Variants in SCAND3 observed in about 807,000 individuals in gnomAD.
The protein encoded by SCAND3 is SCAN domain-containing protein 3.
chr6:28,589,362 A>G, the SCAND3 span: 3 of 152,116 alleles, frequency 2.0e-5, no homozygotes, highest in South Asian at 2.1e-4. Flanking sequence ...ATACTTACCT[A>G]CTGTACCCTT....
chr6:28,589,890 C>T, the SCAND3 span: 1 of 147,658 alleles, frequency 6.8e-6, no homozygotes, highest in Non-Finnish European at 1.5e-5. Flanking sequence ...GGACCTTGCG[C>T]CCCGGGTTAC....
the SCAND3 span, among the ~76,000 whole-genome samples, chr6:28,607,120 A>G: frequency 2.0e-5 from 3 of 152,190 alleles, no homozygotes; most frequent in Non-Finnish European, 4.4e-5. Flanking sequence ...CTGATTATAA[A>G]TCATGAAAGA....
chr6:28,595,346 AAAAAAAAAAG>A, the SCAND3 span, among the ~76,000 whole-genome samples: 1 of 148,412 alleles, frequency 6.7e-6, no homozygotes, highest in Non-Finnish European at 1.5e-5. Flanking sequence ...AAAAAAAAAA[AAAAAAAAAAG>A]AAGAAGAAGA....
the SCAND3 span, chr6:28,570,882 A>G: frequency 6.6e-6 from 1 of 152,224 alleles, no homozygotes; most frequent in East Asian, 1.9e-4. Flanking sequence ...AACAAAATAG[A>G]GGTTGTTAAA....
the SCAND3 span, among the ~76,000 whole-genome samples, chr6:28,615,044 G>A: frequency 6.6e-6 from 1 of 152,138 alleles, no homozygotes; most frequent in Non-Finnish European, 1.5e-5. Flanking sequence ...TATAAACACT[G>A]TATACACAGA....
At chr6:28,601,283 A>G in the SCAND3 span, among the ~76,000 whole-genome samples, 1 of 152,216 alleles carries the variant, frequency 6.6e-6, no homozygotes, top group Non-Finnish European at 1.5e-5. Flanking sequence ...CATAATGCTT[A>G]GAAGTAGCTT....
the SCAND3 span, chr6:28,572,094 T>G: frequency 6.2e-7 from 1 of 1,614,078 alleles, no homozygotes; most frequent in Non-Finnish European, 8.5e-7. This position sits in a 1 kb window ranked among gnomAD's most constrained non-coding sequence, Gnocchi z 4.1. Flanking sequence ...GCAGCAATTT[T>G]AAAGCAATCT....
At chr6:28,615,624 A>G in the SCAND3 span, among the ~76,000 whole-genome samples, 1 of 151,378 alleles carries the variant, frequency 6.6e-6, no homozygotes, top group African/African-American at 2.4e-5. Flanking sequence ...AAAAGACTAG[A>G]CATTTCAAAA....
chr6:28,575,780 C>A, the SCAND3 span: 2 of 1,614,058 alleles, frequency 1.2e-6, no homozygotes, highest in Non-Finnish European at 1.7e-6. This position sits in a 1 kb window ranked among gnomAD's most constrained non-coding sequence, Gnocchi z 4.2. Context: ...TGCAGAATGT[C>A]AAATAAGTCC....
chr6:28,606,889 A>C, the SCAND3 span, among the ~76,000 whole-genome samples: 1 of 152,136 alleles, frequency 6.6e-6, no homozygotes, highest in Admixed American at 6.5e-5. Context: ...TGGCTGCGCT[A>C]CTGGCTTTGG....
the SCAND3 span, among the ~76,000 whole-genome samples, chr6:28,613,072 A>G: frequency 6.6e-6 from 1 of 152,220 alleles, no homozygotes; most frequent in Non-Finnish European, 1.5e-5. Context: ...TTTAATATAT[A>G]GAGACTGTAT....
At chr6:28,589,427 C>T in the SCAND3 span, 5 of 152,150 alleles carry the variant, frequency 3.3e-5, no homozygotes, top group South Asian at 2.1e-4. Context: ...TCCAGCAATC[C>T]GAGTTCGAAT....
the SCAND3 span, among the ~76,000 whole-genome samples, chr6:28,592,897 A>G: frequency 3.9e-5 from 6 of 152,326 alleles, no homozygotes; most frequent in East Asian, 1.2e-3. This position sits in a 1 kb window ranked among gnomAD's most constrained non-coding sequence, Gnocchi z 4.1. Context: ...ATCTTACACC[A>G]TATATAAAAA....
At chr6:28,572,464 GCTTCTAA>G in the SCAND3 span, 3 of 1,612,572 alleles carry the variant, frequency 1.9e-6, no homozygotes, top group South Asian at 3.3e-5. The surrounding 1 kb of genome is among the most constrained non-coding windows in gnomAD (Gnocchi z 4.1). Context: ...GTTTTTCCAA[GCTTCTAA>G]CTTCTGTTTT....
At chr6:28,587,990 T>C in the SCAND3 span, 1 of 152,230 alleles carries the variant, frequency 6.6e-6, no homozygotes, top group Non-Finnish European at 1.5e-5. Context: ...GGAATATTTG[T>C]TGAATTGCTG....
chr6:28,595,330 C>CAAAAAAAA, the SCAND3 span, among the ~76,000 whole-genome samples: 319 of 37,306 alleles, frequency 8.6e-3, 38 homozygotes, highest in African/African-American at 0.014. Flanking sequence ...AACCCAGTCT[C>CAAAAAAAA]AAAAAAAAAA....
the SCAND3 span, chr6:28,572,707 C>T: frequency 9.3e-6 from 15 of 1,613,966 alleles, no homozygotes; most frequent in Non-Finnish European, 1.3e-5. This position sits in a 1 kb window ranked among gnomAD's most constrained non-coding sequence, Gnocchi z 4.1. Context: ...CCGTGATAAC[C>T]ACCGTATCTC....
chr6:28,575,422 A>G, the SCAND3 span: 5 of 1,613,914 alleles, frequency 3.1e-6, 1 homozygote, highest in East Asian at 2.2e-5. This position sits in a 1 kb window ranked among gnomAD's most constrained non-coding sequence, Gnocchi z 4.2. Flanking sequence ...GGGTGCTCCA[A>G]TAATTGTAAA....
the SCAND3 span, among the ~76,000 whole-genome samples, chr6:28,603,634 ACAT>A: frequency 1.1e-5 from 1 of 93,920 alleles, no homozygotes; most frequent in African/African-American, 9.9e-5. Flanking sequence ...TACCTCACTT[ACAT>A]TTTTTTTCTC....
Sources: allele counts gnomAD v4.1 joint callset (sites outside exome capture counted in the v4.1 genomes callset), GRCh38; gene constraint gnomAD v4.1.1; non-coding constraint Gnocchi (gnomAD v3.1); transcripts MANE v1.5; gene names NCBI Gene and HGNC (gene_info 2026-07-23, HGNC 2026-07-21).